MAB21L3: variants seen among roughly 807,000 people sequenced by gnomAD.
MAB21L3 encodes protein mab-21-like 3.
A neutral mutation model predicts 37.7 loss-of-function variants in MAB21L3; 36 were observed. The ratio of observed to expected loss-of-function variants is 0.96; its 90% confidence interval spans 0.73 to 1.26. The LOEUF is 1.26. Among genes scored for constraint, MAB21L3 ranks in the 50% most tolerant of loss-of-function variants. The pLI is 0.00. For synonymous variants in MAB21L3, 186 were observed against 176.8 expected (o/e 1.05, Z -0.41); for missense variants, 430 against 447.3 (o/e 0.96, Z 0.35).
chr1:116,116,076 T>C (rs1659578334), intron 3 of MAB21L3, among the ~76,000 whole-genome samples: 1 of 152,170 alleles, frequency 6.6e-6, no homozygotes, highest in Non-Finnish European at 1.5e-5. Flanking sequence ...CCTCCTTCTT[T>C]AGATCACTGT....
intron 1 of MAB21L3, among the ~76,000 whole-genome samples, 25 bp downstream of exon 1, chr1:116,111,535 G>A (rs1176979539): frequency 6.6e-6 from 1 of 152,052 alleles, no homozygotes; most frequent in East Asian, 1.9e-4. Flanking sequence ...CAGAAGGGCT[G>A]TAATTTCTTT....
chr1:116,131,950 A>G (rs1557934992), intron 7 of MAB21L3, among the ~76,000 whole-genome samples: 1 of 152,184 alleles, frequency 6.6e-6, no homozygotes, highest in East Asian at 1.9e-4. Flanking sequence ...AGAGGATTAC[A>G]GGACTTGACT....
intron 4 of MAB21L3, among the ~76,000 whole-genome samples, chr1:116,122,083 A>C (rs533495546): frequency 6.6e-6 from 1 of 152,340 alleles, no homozygotes; most frequent in Admixed American, 6.5e-5. Context: ...GTAGACACTT[A>C]ACATATGTGG....
chr1:116,118,607 T>G (rs1659655346), intron 3 of MAB21L3, among the ~76,000 whole-genome samples: 1 of 152,162 alleles, frequency 6.6e-6, no homozygotes, highest in Non-Finnish European at 1.5e-5. Flanking sequence ...AATTCTTCCT[T>G]TACTTTCAGG....
rs1659451919 is a variant in MAB21L3 at position 116,112,563 on chromosome 1, A to G, written c.-53A>G. On this transcript the variant is annotated 5_prime_UTR_variant, in exon 3 of 8. Coordinates refer to ENST00000369500, the MANE Select transcript of MAB21L3 (RefSeq NM_152367.3). ...CTCACAAGTGTTGCACTCCATTGAG[A>G]AAAAAAAAAAAACCAGGAAGTTGCT... 2.3e-5 allele frequency: 18 copies of G among 795,210 alleles called. No individual in the cohort carries two copies. The highest frequency in any genetic ancestry group is 4.3e-5 in the East Asian group (1 of 23,516). 49.3% of individuals were successfully genotyped at this position (795,210 alleles called of 1,614,324 possible).
rs138163031 is a variant in MAB21L3 at position 116,124,169 on chromosome 1, C to G, written c.293C>G (p.Thr98Ser). The G allele has an allele frequency of 1.4e-5, 23 of 1,614,202 alleles. No individual in the cohort carries two copies. The African/African-American group carries it at 2.4e-4, about 17-fold the overall frequency. ...TGGCGGTACTACACACTGCAGGGCA[C>G]CAGGCTGCCCTGCCCGTTGCGGGAC... is the stretch of plus-strand genomic sequence containing the variant. ...QHWRYYTLQG[T>S]RLPCPLRDPE... Residue 98 changes from threonine to serine, a missense_variant, in exon 5 of 8, where the codon ACC (threonine) becomes AGC (serine). Transcript: ENST00000369500.
At position 116,117,248 on chromosome 1, in the gene MAB21L3, G is replaced by A. The variant is rs187231873; in HGVS notation, c.49-3684G>A. Among the ~76,000 whole-genome samples the A allele has an allele frequency of 2.9e-3, 437 of 148,320 alleles. 4 individuals are homozygous for A. Among genetic ancestry groups the A allele is most frequent in the Non-Finnish European group, 1.1e-3 (77 of 67,600 alleles). On this transcript the variant is annotated intron_variant, in intron 3 of 7. Transcript: ENST00000369500. ...AGTTCTATGGAATTACATCCGTGGG[G>A]CTGGCAGATTCAGGAGGCTAGTCTT...
chr1:116,132,290 G>A (rs1419753293), intron 7 of MAB21L3, among the ~76,000 whole-genome samples: 1 of 152,148 alleles, frequency 6.6e-6, no homozygotes, highest in Non-Finnish European at 1.5e-5. Flanking sequence ...CTTCTCAAAG[G>A]CAGGCCAAGG....
intron 4 of MAB21L3, among the ~76,000 whole-genome samples, chr1:116,121,849 G>C (rs980738440): frequency 6.6e-6 from 1 of 152,156 alleles, no homozygotes; most frequent in Non-Finnish European, 1.5e-5. Context: ...AAGACAATCT[G>C]TTCATTTCCA....
At chr1:116,119,114 G>A (rs1004896568) in intron 3 of MAB21L3, among the ~76,000 whole-genome samples, 1 of 152,134 alleles carries the variant, frequency 6.6e-6, no homozygotes, top group Non-Finnish European at 1.5e-5. Flanking sequence ...TTAAGTTTTG[G>A]CTTCTAAAAC....
At position 116,112,572 on chromosome 1, in the gene MAB21L3, A is replaced by T; in HGVS notation, c.-44A>T. ...GTTGCACTCCATTGAGAAAAAAAAA[A>T]AAACCAGGAAGTTGCTGTTCTACTG... On this transcript the variant is annotated 5_prime_UTR_variant, in exon 3 of 8. Transcript: ENST00000369500. 6.3e-7 allele frequency: 1 copy of T among 1,590,892 alleles called. No individual in the cohort carries two copies. Among genetic ancestry groups the T allele is most frequent in the African/African-American group, 1.4e-5 (1 of 73,394 alleles).
intron 4 of MAB21L3, among the ~76,000 whole-genome samples, chr1:116,121,493 G>A (rs1355271600): frequency 6.6e-6 from 1 of 152,144 alleles, no homozygotes; most frequent in African/African-American, 2.4e-5. Flanking sequence ...TCACACAGAG[G>A]CTTTTGATTC....
At chr1:116,133,025 A>C in intron 7 of MAB21L3, 107 bp from the exon 8 acceptor site, 3 of 871,096 alleles carry the variant, frequency 3.4e-6, no homozygotes, top group Non-Finnish European at 5.5e-6. Flanking sequence ...CTGCCCAGGC[A>C]ACTCTTTTCT....
intron 7 of MAB21L3, among the ~76,000 whole-genome samples, chr1:116,130,768 A>T (rs1660047398): frequency 6.6e-6 from 1 of 152,164 alleles, no homozygotes; most frequent in Non-Finnish European, 1.5e-5. Flanking sequence ...TATTCCTAAA[A>T]CCCACTCAAA....
intron 3 of MAB21L3, among the ~76,000 whole-genome samples, chr1:116,118,707 G>A (rs912971135): frequency 1.3e-5 from 2 of 152,092 alleles, no homozygotes; most frequent in Non-Finnish European, 2.9e-5. Flanking sequence ...CAGGCATGAG[G>A]AGCACAAATT....
chr1:116,123,443 T>G (rs1659807458), intron 4 of MAB21L3, among the ~76,000 whole-genome samples: 1 of 152,066 alleles, frequency 6.6e-6, no homozygotes, highest in African/African-American at 2.4e-5. Flanking sequence ...ATCTGTTACG[T>G]CCCCTCCTGT....
rs1659729694 is a variant in MAB21L3 at position 116,120,929 on chromosome 1, C to T, written c.49-3C>T. The T allele has an allele frequency of 1.9e-6, 3 of 1,613,820 alleles. No individual in the cohort carries two copies. The highest frequency in any genetic ancestry group is 1.3e-5 in the African/African-American group (1 of 74,906). On this transcript the variant is annotated splice_polypyrimidine_tract_variant and splice_region_variant and intron_variant, in intron 3 of 7. Transcript: ENST00000369500. ...CACCATTGCTGGTCCCTCTCACACC[C>T]AGGTGGACTTGAGGCGCCAGCAGAT... is the stretch of plus-strand genomic sequence containing the variant.
intron 5 of MAB21L3, among the ~76,000 whole-genome samples, chr1:116,124,928 C>T (rs866667019): frequency 1.5e-4 from 23 of 149,480 alleles, no homozygotes; most frequent in African/African-American, 5.5e-4. Flanking sequence ...TCACACAAAG[C>T]GAAAAGGTGA....
At chr1:116,133,054 A>T in intron 7 of MAB21L3, 78 bp from the exon 8 acceptor site, 1 of 1,218,960 alleles carries the variant, frequency 8.2e-7, no homozygotes. Flanking sequence ...CCAAGGCCAC[A>T]TAAGCTCAAT....
Sources: allele counts gnomAD v4.1 joint callset (sites outside exome capture counted in the v4.1 genomes callset), GRCh38; gene constraint gnomAD v4.1.1; transcripts MANE v1.5; gene names NCBI Gene and HGNC (gene_info 2026-07-23, HGNC 2026-07-21).